Variants in ALPL observed in about 807,000 individuals in gnomAD.
The protein encoded by ALPL is alkaline phosphatase, biomineralization associated, also known as alkaline phosphatase, tissue-nonspecific isozyme.
Under a neutral mutation model 51.3 loss-of-function variants are expected in ALPL, and 42 were observed. That is an observed-to-expected ratio of 0.82 (90% CI 0.64 to 1.06). The LOEUF is 1.06. Ranked by LOEUF, ALPL falls within the 50% of genes least tolerant of loss-of-function variation. The pLI, the probability that ALPL is intolerant of heterozygous loss-of-function variation, is 0.00. For synonymous variants in ALPL, 279 were observed against 296.4 expected (o/e 0.94, Z 0.60); for missense variants, 589 against 709.4 (o/e 0.83, Z 1.93).
intron 1 of ALPL, among the ~76,000 whole-genome samples, chr1:21,516,306 G>A (rs975741417): frequency 3.2e-4 from 48 of 152,132 alleles, no homozygotes; most frequent in African/African-American, 1.1e-3. Flanking sequence ...GTGAGAAAAT[G>A]TCTCATCTGA....
At chr1:21,551,874 C>G (rs1017597497) in intron 1 of ALPL, among the ~76,000 whole-genome samples, 1 of 151,596 alleles carries the variant, frequency 6.6e-6, no homozygotes, top group South Asian at 2.1e-4. Context: ...TACAGGCGCC[C>G]GCTACCTCTC....
At chr1:21,513,305 GATC>G (rs1457648100) in intron 1 of ALPL, among the ~76,000 whole-genome samples, 2 of 152,146 alleles carry the variant, frequency 1.3e-5, no homozygotes, top group African/African-American at 4.8e-5. Context: ...TAAGCTACAT[GATC>G]TTTCCAAAGG....
At chr1:21,547,561 G>A (rs1033994655) in intron 1 of ALPL, among the ~76,000 whole-genome samples, 3 of 152,248 alleles carry the variant, frequency 2.0e-5, no homozygotes, top group Middle Eastern at 3.4e-3. Flanking sequence ...CCTGCATCCC[G>A]CCAAATTCCC....
Position 21,570,331 on chromosome 1 carries a change from G to A in ALPL, c.819G>A (p.Thr273=), listed in dbSNP as rs372247799. ...ACTCCCACTTCATCTGGAACCGCACGGAACTCCTGACCCTTGACCCCCACA... is the reference window on the plus strand; with the variant it reads ...ACTCCCACTTCATCTGGAACCGCACAGAACTCCTGACCCTTGACCCCCACA... ...YKHSHFIWNR[T]ELLTLDPHNV... is the part of the protein sequence containing the mutation. Residue 273 remains threonine, a synonymous_variant, in exon 8 of 12, where the codon ACG becomes ACA. Coordinates refer to ENST00000374840, the MANE Select transcript of ALPL (RefSeq NM_000478.6). 4.7e-5 allele frequency: 76 copies of A among 1,613,944 alleles called. No homozygotes were observed. The highest frequency in any genetic ancestry group is 5.9e-5 in the Non-Finnish European group (70 of 1,180,020).
intron 6 of ALPL, among the ~76,000 whole-genome samples, chr1:21,566,624 CTG>C (rs936030523): frequency 3.3e-5 from 5 of 151,872 alleles, no homozygotes; most frequent in African/African-American, 1.2e-4. Flanking sequence ...GGGTCTCACT[CTG>C]TTGCCCAGGC....
intron 1 of ALPL, among the ~76,000 whole-genome samples, chr1:21,515,351 A>G (rs1643774266): frequency 6.6e-6 from 1 of 152,190 alleles, no homozygotes; most frequent in South Asian, 2.1e-4. Context: ...GGCATGAACC[A>G]TTGTGCCTGG....
chr1:21,537,688 G>A (rs557710926), intron 1 of ALPL, among the ~76,000 whole-genome samples: 12 of 152,320 alleles, frequency 7.9e-5, no homozygotes, highest in African/African-American at 2.9e-4. Context: ...GGTTGTCCTG[G>A]CATGTGACTG....
At chr1:21,571,941 T>C (rs1050107920) in intron 8 of ALPL, among the ~76,000 whole-genome samples, 2 of 148,650 alleles carry the variant, frequency 1.3e-5, no homozygotes, top group African/African-American at 5.0e-5. Context: ...TGCAGTGAGT[T>C]GTGATTATGC....
intron 2 of ALPL, among the ~76,000 whole-genome samples, chr1:21,556,777 A>G (rs529416124): frequency 2.6e-4 from 39 of 152,188 alleles, no homozygotes; most frequent in African/African-American, 9.2e-4. Context: ...CCTCTCTACT[A>G]AAAATACAAA....
intron 1 of ALPL, among the ~76,000 whole-genome samples, chr1:21,511,668 C>A (rs1181367813): frequency 6.6e-6 from 1 of 152,236 alleles, no homozygotes; most frequent in Non-Finnish European, 1.5e-5. Flanking sequence ...CTAAACACAG[C>A]CTGGGCTGGG....
At chr1:21,534,900 T>A (rs1644077274) in intron 1 of ALPL, among the ~76,000 whole-genome samples, 1 of 152,224 alleles carries the variant, frequency 6.6e-6, no homozygotes. Flanking sequence ...AGACCTTCTC[T>A]GATCTTTCTA....
At chr1:21,538,491 C>T (rs1644139629) in intron 1 of ALPL, among the ~76,000 whole-genome samples, 2 of 152,220 alleles carry the variant, frequency 1.3e-5, no homozygotes, top group Non-Finnish European at 1.5e-5. Context: ...CTGCGCCCGC[C>T]ACCCAGGGAT....
intron 9 of ALPL, chr1:21,574,760 C>G (rs1163934775): frequency 6.6e-6 from 1 of 152,272 alleles, no homozygotes; most frequent in South Asian, 2.1e-4. Flanking sequence ...ACGGGCTCCC[C>G]CGGGAGCGGT....
rs1553410932 is a variant in ALPL at position 21,554,914 on chromosome 1, C to CT, written c.61+775dup. ...TTCTTTCTTTCTTTCTTTCTCTTTTCTTTCTTTCTTTCTTTCTTTTCTTTT... is the reference window on the plus strand; with the variant it reads ...TTCTTTCTTTCTTTCTTTCTCTTTTCTTTTCTTTCTTTCTTTCTTTTCTTTT... On this transcript the variant is annotated intron_variant, in intron 2 of 11. Coordinates refer to ENST00000374840, the MANE Select transcript of ALPL (RefSeq NM_000478.6). Among the ~76,000 whole-genome samples, 124 of 36,358 alleles carry CT rather than the reference C, an allele frequency of 3.4e-3. 1 individual carries two copies. Among genetic ancestry groups the CT allele is most frequent in the Admixed American group, 8.7e-3 (31 of 3,566 alleles). 23.9% of individuals were successfully genotyped at this position (36,358 alleles called of 152,430 possible).
At chr1:21,559,159 C>G (rs1644451799) in intron 2 of ALPL, among the ~76,000 whole-genome samples, 1 of 152,202 alleles carries the variant, frequency 6.6e-6, no homozygotes, top group Non-Finnish European at 1.5e-5. Context: ...AAGACCCTCC[C>G]ATTCCTGATC....
chr1:21,548,762 G>A (rs945436446), intron 1 of ALPL, among the ~76,000 whole-genome samples: 1 of 152,046 alleles, frequency 6.6e-6, no homozygotes. Flanking sequence ...CCTGCTCCCT[G>A]CCTCCCCACT....
chr1:21,573,335 G>A (rs953007174), intron 8 of ALPL, among the ~76,000 whole-genome samples: 21 of 151,900 alleles, frequency 1.4e-4, no homozygotes, highest in Non-Finnish European at 2.9e-4. Flanking sequence ...TATTCAGGAG[G>A]CTAAGGCAGG....
chr1:21,567,996 G>A, intron 6 of ALPL, 108 bp from the exon 7 acceptor site: 1 of 1,497,542 alleles, frequency 6.7e-7, no homozygotes, highest in African/African-American at 1.4e-5. Flanking sequence ...CTGGGAAAGT[G>A]TCCACACCAT....
intron 1 of ALPL, among the ~76,000 whole-genome samples, chr1:21,531,023 A>G (rs1178372236): frequency 1.4e-5 from 2 of 147,782 alleles, no homozygotes; most frequent in Non-Finnish European, 3.0e-5. Flanking sequence ...CAGTGGTGCA[A>G]TCTTGGCTCA....
Sources: gnomAD v4.1 joint callset for allele counts (sites outside exome capture counted in the v4.1 genomes callset) on GRCh38, gnomAD v4.1.1 for gene constraint, MANE v1.5 for transcripts, NCBI Gene and HGNC (gene_info 2026-07-23, HGNC 2026-07-21) for gene names.